The following TENM2 variants were observed in gnomAD, a reference collection of about 807,000 sequenced individuals.
TENM2 encodes the protein teneurin-2.
Under a neutral mutation model 245.2 loss-of-function variants are expected in TENM2, and 52 were observed. That is an observed-to-expected ratio of 0.21 (90% CI 0.17 to 0.27). The LOEUF is 0.27. Among genes scored for constraint, TENM2 ranks in the 10% least tolerant of loss-of-function variants. The pLI is 1.00. For synonymous variants in TENM2, 1,363 were observed against 1,438.9 expected (o/e 0.95, Z 1.19); for missense variants, 3,046 against 3,666.8 (o/e 0.83, Z 4.37).
At chr5:167,321,869 G>T (rs1756768569) in intron 1 of TENM2, among the ~76,000 whole-genome samples, 3 of 136,830 alleles carry the variant, frequency 2.2e-5, no homozygotes, top group Admixed American at 1.7e-4. Context: ...AGTTACAGTG[G>T]TGTAACTCAG....
At chr5:167,539,679 A>G (rs1305390292) in intron 2 of TENM2, among the ~76,000 whole-genome samples, 3 of 152,226 alleles carry the variant, frequency 2.0e-5, no homozygotes, top group Non-Finnish European at 2.9e-5. Context: ...CATCTCTGTA[A>G]CATTGAGAAA....
Position 168,023,982 on chromosome 5 carries a change from TAGAG to T in TENM2, c.1187-23439_1187-23436del, listed in dbSNP as rs557468398. 2.0e-3 allele frequency among the ~76,000 whole-genome samples: 309 copies of T among 152,262 alleles called. 1 individual carries two copies. Among genetic ancestry groups the T allele is most frequent in the Middle Eastern group, 0.014 (4 of 294 alleles). ...CGTATATATAAGATGTATACATATA[TAGAG>T]AGAGATATTTATACACATATATAAA... On this transcript the variant is annotated intron_variant, in intron 5 of 28. Coordinates refer to ENST00000518659, the Ensembl canonical transcript of TENM2.
chr5:167,895,023 G>A (rs1402849481), intron 3 of TENM2, among the ~76,000 whole-genome samples: 3 of 129,694 alleles, frequency 2.3e-5, no homozygotes, highest in East Asian at 2.8e-4. Flanking sequence ...GGGAGGGAGG[G>A]AGGGAGGCAG....
intron 2 of TENM2, among the ~76,000 whole-genome samples, chr5:167,507,732 AGGTT>A (rs1769650741): frequency 6.6e-6 from 1 of 152,190 alleles, no homozygotes; most frequent in Non-Finnish European, 1.5e-5. Context: ...AACAATTACC[AGGTT>A]GCTGTGTATG....
intron 2 of TENM2, among the ~76,000 whole-genome samples, chr5:167,540,427 A>G (rs1435938770): frequency 6.6e-6 from 1 of 152,248 alleles, no homozygotes; most frequent in South Asian, 2.1e-4. Flanking sequence ...AAGAAAATGA[A>G]CAAAGAATGA....
At chr5:168,222,374 G>T (rs1363994436) in intron 23 of TENM2, among the ~76,000 whole-genome samples, 2 of 152,176 alleles carry the variant, frequency 1.3e-5, no homozygotes, top group Non-Finnish European at 2.9e-5. Context: ...AAATGATAAA[G>T]AGCCTCTTTA....
intron 2 of TENM2, among the ~76,000 whole-genome samples, chr5:167,629,545 C>T (rs1276106838): frequency 6.6e-6 from 1 of 152,090 alleles, no homozygotes; most frequent in African/African-American, 2.4e-5. Flanking sequence ...TGAAATAATT[C>T]ATAGAAAATC....
At chr5:168,079,299 G>T (rs1343362124) in intron 7 of TENM2, among the ~76,000 whole-genome samples, 1 of 152,246 alleles carries the variant, frequency 6.6e-6, no homozygotes, top group Non-Finnish European at 1.5e-5. Flanking sequence ...AGACTTTGCT[G>T]AAGTTGCTTA....
chr5:167,905,137 C>T (rs1445219503), intron 3 of TENM2, among the ~76,000 whole-genome samples: 5 of 152,110 alleles, frequency 3.3e-5, no homozygotes, highest in Admixed American at 1.3e-4. Context: ...GTGGAAAAAT[C>T]AGAGGTAAAA....
chr5:168,033,293 A>T (rs1018495114), intron 5 of TENM2: 1 of 152,226 alleles, frequency 6.6e-6, no homozygotes, highest in African/African-American at 2.4e-5. Flanking sequence ...ACAGTAAATG[A>T]TGACTATGGT....
At chr5:167,818,639 C>A (rs1259869192) in intron 2 of TENM2, among the ~76,000 whole-genome samples, 1 of 152,096 alleles carries the variant, frequency 6.6e-6, no homozygotes, top group African/African-American at 2.4e-5. Flanking sequence ...GCACTCAGGG[C>A]AGTGAGGGTG....
intron 2 of TENM2, among the ~76,000 whole-genome samples, chr5:167,409,869 G>A (rs1762819776): frequency 6.6e-6 from 1 of 151,644 alleles, no homozygotes; most frequent in Non-Finnish European, 1.5e-5. Flanking sequence ...ATTTCACTGT[G>A]GAATTTTCTT....
intron 3 of TENM2, among the ~76,000 whole-genome samples, chr5:167,900,111 T>TAAAAAAAAAAAAAAAAA (rs71853736): frequency 1.6e-4 from 7 of 43,464 alleles, no homozygotes; most frequent in African/African-American, 8.4e-4. Context: ...CTCAACCCAC[T>TAAAAAAAAAAAAAAAAA]AAAAAAAAAA....
At chr5:167,581,923 A>G (rs565067041) in intron 2 of TENM2, among the ~76,000 whole-genome samples, 21 of 145,140 alleles carry the variant, frequency 1.4e-4, no homozygotes, top group African/African-American at 3.0e-4. Context: ...TTGAGAGAGA[A>G]AAAAAAAAAA....
At chr5:167,849,126 A>G (rs1356101482) in intron 2 of TENM2, among the ~76,000 whole-genome samples, 1 of 152,104 alleles carries the variant, frequency 6.6e-6, no homozygotes, top group African/African-American at 2.4e-5. Flanking sequence ...GGGAGAATCT[A>G]CTTCCTTGCC....
intron 2 of TENM2, chr5:167,721,421 C>G (rs1282816459): frequency 6.6e-6 from 1 of 152,202 alleles, no homozygotes; most frequent in African/African-American, 2.4e-5. Flanking sequence ...AAAGATCCGA[C>G]TGGATTTCCA....
At chr5:167,280,060 A>T (rs1401727959), upstream of TENM2, among the ~76,000 whole-genome samples, 1 of 152,194 alleles carries the variant, frequency 6.6e-6, no homozygotes, top group African/African-American at 2.4e-5. Flanking sequence ...TGCTGTTGAC[A>T]GAGGAAGGAG....
the TENM2 span, among the ~76,000 whole-genome samples, chr5:167,249,184 T>C: frequency 3.3e-5 from 5 of 152,152 alleles, no homozygotes; most frequent in Admixed American, 3.3e-4. Context: ...ATATAGCCCC[T>C]TCATCCATAT....
chr5:167,926,101 T>C (rs892994870), intron 3 of TENM2, among the ~76,000 whole-genome samples: 1 of 152,020 alleles, frequency 6.6e-6, no homozygotes, highest in East Asian at 1.9e-4. Flanking sequence ...CCCTCAAACC[T>C]AAAATGAAAG....
Sources: gnomAD v4.1 joint callset for allele counts (sites outside exome capture counted in the v4.1 genomes callset) on GRCh38, gnomAD v4.1.1 for gene constraint, MANE v1.5 for transcripts, NCBI Gene and HGNC (gene_info 2026-07-23, HGNC 2026-07-21) for gene names.